DLG2: variants seen among roughly 807,000 people sequenced by gnomAD.
The protein encoded by DLG2 is disks large homolog 2.
DLG2 carries 45 observed loss-of-function variants against 132.5 expected under a neutral mutation model. The observed-to-expected ratio is 0.34, with a 90% CI of 0.27 to 0.44. The LOEUF is 0.44. Among genes scored for constraint, DLG2 ranks in the 20% least tolerant of loss-of-function variants. The pLI, the probability that DLG2 is intolerant of heterozygous loss-of-function variation, is 1.00. For synonymous variants in DLG2, 424 were observed against 419.6 expected (o/e 1.01, Z -0.13); for missense variants, 1,045 against 1,196.9 (o/e 0.87, Z 1.87).
At chr11:84,553,932 T>C (rs2099406832) in intron 6 of DLG2, among the ~76,000 whole-genome samples, 1 of 152,234 alleles carries the variant, frequency 6.6e-6, no homozygotes, top group Non-Finnish European at 1.5e-5. Flanking sequence ...TCCATGAGGA[T>C]ATGATTTGAA....
At chr11:84,502,097 TTTCTCA>T (rs2099208254) in intron 7 of DLG2, among the ~76,000 whole-genome samples, 1 of 148,924 alleles carries the variant, frequency 6.7e-6, no homozygotes, top group African/African-American at 2.5e-5. Flanking sequence ...CCTTCCTTTC[TTTCTCA>T]CTCTCTCTGT....
chr11:85,399,862 T>C (rs1295697554), intron 3 of DLG2, among the ~76,000 whole-genome samples: 2 of 152,070 alleles, frequency 1.3e-5, no homozygotes, highest in South Asian at 2.1e-4. Context: ...ATTCAGGACA[T>C]AGGCATGGGC....
At chr11:85,031,849 T>C (rs1387142703) in intron 6 of DLG2, among the ~76,000 whole-genome samples, 1 of 151,970 alleles carries the variant, frequency 6.6e-6, no homozygotes, top group East Asian at 1.9e-4. Flanking sequence ...AGTAGCAGTA[T>C]CTTGGCTCAC....
chr11:84,777,255 T>G, intron 6 of DLG2, among the ~76,000 whole-genome samples: 1 of 139,082 alleles, frequency 7.2e-6, no homozygotes, highest in African/African-American at 2.7e-5. Context: ...ATAGTATCCA[T>G]TGTGTGTGTA....
chr11:84,171,959 G>A (rs1186846670), intron 8 of DLG2, among the ~76,000 whole-genome samples: 4 of 152,028 alleles, frequency 2.6e-5, no homozygotes, highest in East Asian at 1.9e-4. Context: ...CCAAAAACAG[G>A]CCCTTTTTTC....
intron 9 of DLG2, 74 bp from the exon 10 acceptor site, chr11:84,099,121 A>G (rs1168669326): frequency 1.3e-5 from 17 of 1,334,788 alleles, no homozygotes; most frequent in Non-Finnish European, 1.8e-5. Flanking sequence ...ACTCTGCATT[A>G]TCATGTTACT....
At chr11:84,265,239 A>G (rs944441574) in intron 7 of DLG2, among the ~76,000 whole-genome samples, 2 of 152,224 alleles carry the variant, frequency 1.3e-5, no homozygotes, top group South Asian at 4.1e-4. Context: ...TTGGGAAAAT[A>G]TTTAAAAATT....
chr11:83,928,652 C>A (rs2079481604), intron 15 of DLG2, among the ~76,000 whole-genome samples: 1 of 152,106 alleles, frequency 6.6e-6, no homozygotes, highest in Non-Finnish European at 1.5e-5. Flanking sequence ...CAGTCATCAT[C>A]TGGGTTTGAA....
chr11:85,544,057 T>C (rs1465594995), intron 3 of DLG2, among the ~76,000 whole-genome samples: 1 of 152,194 alleles, frequency 6.6e-6, no homozygotes, highest in Non-Finnish European at 1.5e-5. Context: ...GTCTTGGAAG[T>C]CTTTGCCCAT....
chr11:84,393,729 ATAGTT>A (rs2098801068), intron 7 of DLG2, among the ~76,000 whole-genome samples: 1 of 152,100 alleles, frequency 6.6e-6, no homozygotes, highest in Non-Finnish European at 1.5e-5. Context: ...TTAAAATTAT[ATAGTT>A]TATTTTTGTT....
At chr11:84,696,351 T>C (rs1278617964) in intron 6 of DLG2, among the ~76,000 whole-genome samples, 2 of 151,474 alleles carry the variant, frequency 1.3e-5, no homozygotes, top group African/African-American at 2.4e-5. Flanking sequence ...CCCAAATCTA[T>C]AGATAAAATT....
intron 15 of DLG2, among the ~76,000 whole-genome samples, chr11:83,889,709 C>G (rs2069110316): frequency 6.6e-6 from 1 of 151,888 alleles, no homozygotes; most frequent in Non-Finnish European, 1.5e-5. Flanking sequence ...GGAACCAACC[C>G]AAATGTCCAA....
rs559682901 is a variant in DLG2, at chr11:84,339,174, A to G, written c.520-87883T>C. On this transcript the variant is annotated intron_variant, in intron 7 of 27. Coordinates refer to ENST00000376104, the MANE Select transcript of DLG2 (RefSeq NM_001142699.3). ...TCCCTAGCCTTCTCTTTGTACTTCT[A>G]TCAAGCTGAAGGGATGGAGGGTTAC... 4.1e-4 allele frequency among the ~76,000 whole-genome samples: 62 copies of G among 152,246 alleles called. 2 individuals are homozygous for G. The South Asian group carries it at 0.012, about 29-fold the overall frequency.
At position 83,472,803 on chromosome 11, in the gene DLG2, C is replaced by T. The variant is rs1270715854; in HGVS notation, c.2294-26G>A. The T allele has an allele frequency of 5.0e-6, 8 of 1,598,992 alleles. No individual in the cohort carries two copies. The African/African-American group carries it at 5.4e-5, about 11-fold the overall frequency. ...CTGAGAAGAGAAGGAAAGAAAACCA[C>T]AGTGAACTAACAGTCATATATTACA... On this transcript the variant is annotated intron_variant, in intron 22 of 27. Coordinates refer to ENST00000376104, the MANE Select transcript of DLG2 (RefSeq NM_001142699.3).
At chr11:83,964,075 C>T (rs770024334) in intron 13 of DLG2, among the ~76,000 whole-genome samples, 1 of 151,982 alleles carries the variant, frequency 6.6e-6, no homozygotes, top group Non-Finnish European at 1.5e-5. Context: ...GGCCATGATT[C>T]TATCTCCTCT....
intron 6 of DLG2, among the ~76,000 whole-genome samples, chr11:84,858,873 A>G (rs2082082204): frequency 6.6e-6 from 1 of 152,106 alleles, no homozygotes; most frequent in Admixed American, 6.6e-5. Context: ...TAATAAAAAT[A>G]TACACATTTT....
At chr11:85,035,994 A>C (rs1055084880) in intron 6 of DLG2, among the ~76,000 whole-genome samples, 2 of 152,212 alleles carry the variant, frequency 1.3e-5, no homozygotes, top group African/African-American at 4.8e-5. Context: ...TTCAAAATAA[A>C]AAGTTAGGTG....
rs573356759 is a variant in DLG2, at chr11:83,776,275, G to A, written c.1825+10415C>T. On this transcript the variant is annotated intron_variant, in intron 18 of 27. Coordinates refer to ENST00000376104, the MANE Select transcript of DLG2 (RefSeq NM_001142699.3). ...GGTTTTATCACCTACATCCTTCCCT[G>A]AATCTATCTACTTCTCTCTACCTAT... Among the ~76,000 whole-genome samples the A allele has an allele frequency of 3.3e-5, 5 of 152,100 alleles. No individual in the cohort carries two copies. In the South Asian group the frequency reaches 1.0e-3, roughly 32 times the overall value.
chr11:84,147,170 C>A (rs1018780682), intron 9 of DLG2, among the ~76,000 whole-genome samples: 1 of 151,744 alleles, frequency 6.6e-6, no homozygotes, highest in Admixed American at 6.6e-5. Flanking sequence ...TGCTCCAGCC[C>A]CAGAGGTTCG....
Sources: allele counts gnomAD v4.1 joint callset (sites outside exome capture counted in the v4.1 genomes callset), GRCh38; gene constraint gnomAD v4.1.1; transcripts MANE v1.5; gene names NCBI Gene and HGNC (gene_info 2026-07-23, HGNC 2026-07-21).